The following PSG9 variants were observed in gnomAD, a reference collection of about 807,000 sequenced individuals.
The protein encoded by PSG9 is pregnancy specific beta-1-glycoprotein 9, also known as pregnancy-specific beta-1-glycoprotein 9.
A neutral mutation model predicts 41.9 loss-of-function variants in PSG9; 49 were observed. That is an observed-to-expected ratio of 1.17 (90% CI 0.93 to 1.48). The LOEUF (loss-of-function observed/expected upper bound fraction) is 1.48, where lower values mean the gene tolerates loss of function less well. PSG9 is among the 40% of genes most tolerant of loss of function. The pLI, the probability that PSG9 is intolerant of heterozygous loss-of-function variation, is 0.00. For missense variants in PSG9, 641 were observed against 520.3 expected (o/e 1.23, Z -2.26); for synonymous variants, 263 against 196.8 (o/e 1.34, Z -2.82).
chr19:43,255,539 A>G (rs1025908823), intron 5 of PSG9, among the ~76,000 whole-genome samples: 4 of 146,834 alleles, frequency 2.7e-5, no homozygotes, highest in Admixed American at 6.8e-5. Context: ...AAAAAAAGAC[A>G]TTCAAATTGG....
At chr19:43,262,850 C>G (rs980434893) in intron 2 of PSG9, among the ~76,000 whole-genome samples, 3 of 152,150 alleles carry the variant, frequency 2.0e-5, no homozygotes, top group Admixed American at 6.5e-5. Flanking sequence ...TGATAGCTTT[C>G]GACCAAGACC....
At chr19:43,259,516 C>A in intron 3 of PSG9, 1 of 254,448 alleles carries the variant, frequency 3.9e-6, no homozygotes, top group Admixed American at 5.0e-5. Context: ...TTCCATCCTA[C>A]TTTGCCCCCC....
rs756463688 is a variant in PSG9, at chr19:43,255,528, G to GA, written c.1244-1883dup. ...TAGTCAGAAAAATTAGGCAAGAATTGAAAAAAAGACATTCAAATTGGAAGG... is the reference window on the plus strand; with the variant it reads ...TAGTCAGAAAAATTAGGCAAGAATTGAAAAAAAAGACATTCAAATTGGAAGG... On this transcript the variant is annotated intron_variant, in intron 5 of 5. Coordinates refer to ENST00000270077, the MANE Select transcript of PSG9 (RefSeq NM_002784.5). 2.1e-5 allele frequency among the ~76,000 whole-genome samples: 3 copies of GA among 145,700 alleles called. 1 individual carries two copies. Among genetic ancestry groups the GA allele is most frequent in the Admixed American group, 6.8e-5 (1 of 14,678 alleles).
chr19:43,253,597 C>T lies in PSG9; in HGVS notation c.*12G>A. The T allele has an allele frequency of 1.3e-6, 1 of 792,134 alleles. No individual in the cohort carries two copies. Among genetic ancestry groups the T allele is most frequent in the Non-Finnish European group, 2.2e-6 (1 of 459,798 alleles). The allele number at this position is 792,134 out of a possible 1,614,324, so 49.1% of individuals were successfully genotyped here. On this transcript the variant is annotated 3_prime_UTR_variant, in exon 6 of 6. Transcript: ENST00000270077. ...CAGCCTGTTCTTTTTCTCAGTGTCT[C>T]AGTTGTTGCAGTCATGACTGAGACT...
At position 43,255,855 on chromosome 19, in the gene PSG9, T is replaced by A. The variant is rs951038815; in HGVS notation, c.1244-2209A>T. ...AAATATTGCTGAAAGAAATGAAAGATGACATCAATAAATTGAAAGACATTT... is the reference window on the plus strand; with the variant it reads ...AAATATTGCTGAAAGAAATGAAAGAAGACATCAATAAATTGAAAGACATTT... On this transcript the variant is annotated intron_variant, in intron 5 of 5. Transcript: ENST00000270077. 1.4e-4 allele frequency among the ~76,000 whole-genome samples: 20 copies of A among 146,662 alleles called. 1 individual carries two copies. Among genetic ancestry groups the A allele is most frequent in the Admixed American group, 8.8e-4 (13 of 14,736 alleles).
Position 43,267,797 on chromosome 19 carries a change from G to A in PSG9, c.417C>T (p.Thr139=), listed in dbSNP as rs1969042296. 1 of 1,612,962 alleles carries A rather than the reference G, an allele frequency of 6.2e-7. No individual in the cohort carries two copies. Among genetic ancestry groups the A allele is most frequent in the Non-Finnish European group, 8.5e-7 (1 of 1,179,392 alleles). The change falls in exon 2 of 6, where the codon ACC becomes ACT. Residue 139 remains threonine, a synonymous_variant. Coordinates refer to ENST00000270077, the MANE Select transcript of PSG9 (RefSeq NM_002784.5). ...GGAATCACTCACAGTATAAGGTGAA[G>A]GTGAAATGTCGAATTTCTTCTCTAG... The part of the protein sequence containing the change: ...DETREEIRHF[T]FTLYLETPKP...
intron 5 of PSG9, among the ~76,000 whole-genome samples, chr19:43,256,590 C>T (rs1275215536): frequency 2.0e-5 from 3 of 146,488 alleles, no homozygotes; most frequent in African/African-American, 7.8e-5. Flanking sequence ...ATGCAAAGTT[C>T]CTCAGCATCA....
chr19:43,268,390 C>A (rs1969086460), intron 1 of PSG9, among the ~76,000 whole-genome samples: 1 of 152,122 alleles, frequency 6.6e-6, no homozygotes, highest in African/African-American at 2.4e-5. Context: ...ACACTTCTGA[C>A]CTTGGCATTT....
In PSG9 at chr19:43,258,969, G is replaced by C; in HGVS notation, c.876C>G (p.Asn292Lys). 3.1e-6 allele frequency: 5 copies of C among 1,590,548 alleles called. No individual in the cohort carries two copies. The highest frequency in any genetic ancestry group is 4.3e-6 in the Non-Finnish European group (5 of 1,174,480). ...VSPGVKRPIENRILILPSVTR... is the reference protein window; with the variant it reads ...VSPGVKRPIEKRILILPSVTR... ...TGACACTGGGTAGAATGAGTATCCTGTTTTCAATGGGTCGCTTTACCCCGG... is the reference window on the plus strand; with the variant it reads ...TGACACTGGGTAGAATGAGTATCCTCTTTTCAATGGGTCGCTTTACCCCGG... Residue 292 changes from asparagine (N) to lysine (K), a missense_variant, in exon 4 of 6, where the codon AAC (asparagine) becomes AAG (lysine). Physicochemically the swap from Asn to Lys is moderately conservative, Grantham distance 94. Coordinates refer to ENST00000270077, the MANE Select transcript of PSG9 (RefSeq NM_002784.5).
Position 43,267,974 on chromosome 19 carries a change from T to A in PSG9, c.240A>T (p.Ile80=). Residue 80 remains isoleucine (I), a synonymous_variant, in exon 2 of 6, where the codon ATA becomes ATT. Transcript: ENST00000270077. ...TTATTTTACCATCAACTATATACGATATAATGTAATGGTAGAGGTCCGTCA... is the reference window on the plus strand; with the variant it reads ...TTATTTTACCATCAACTATATACGAAATAATGTAATGGTAGAGGTCCGTCA... ...GEMTDLYHYI[I]SYIVDGKIII... The A allele has an allele frequency of 6.2e-7, 1 of 1,613,666 alleles. No homozygotes were observed. Among genetic ancestry groups the A allele is most frequent in the Non-Finnish European group, 8.5e-7 (1 of 1,179,712 alleles).
chr19:43,264,818 C>A (rs953119184), intron 2 of PSG9, among the ~76,000 whole-genome samples: 2 of 152,280 alleles, frequency 1.3e-5, no homozygotes, highest in East Asian at 3.9e-4. Flanking sequence ...AGTGTTAGAA[C>A]TGAGTGACAA....
chr19:43,256,054 G>A (rs1235193263), intron 5 of PSG9, among the ~76,000 whole-genome samples: 1 of 146,708 alleles, frequency 6.8e-6, no homozygotes, highest in Non-Finnish European at 1.5e-5. Flanking sequence ...CAGCTTTGAA[G>A]AGGAAGAATG....
chr19:43,258,856 C>A lies in PSG9; in HGVS notation c.988+1G>T. On this transcript the variant is annotated splice_donor_variant, in intron 4 of 5. Transcript: ENST00000270077. LOFTEE classifies it high-confidence loss of function. ...CCCACAGAGGAACAAAAGATACTCA[C>A]AGAGGACATTTAGGATGACTGGGTT... is the stretch of plus-strand genomic sequence containing the variant. 1 of 1,586,442 alleles carries A rather than the reference C, an allele frequency of 6.3e-7. No individual in the cohort carries two copies. The highest frequency in any genetic ancestry group is 8.5e-7 in the Non-Finnish European group (1 of 1,172,114).
At chr19:43,264,659 C>A (rs577239958) in intron 2 of PSG9, among the ~76,000 whole-genome samples, 15 of 152,196 alleles carry the variant, frequency 9.9e-5, no homozygotes, top group African/African-American at 3.4e-4. Flanking sequence ...GGGTTTCACC[C>A]TGTTAGCCAG....
chr19:43,267,694 C>G, intron 2 of PSG9, 90 bp downstream of exon 2: 2 of 1,582,856 alleles, frequency 1.3e-6, no homozygotes, highest in Non-Finnish European at 1.7e-6. Flanking sequence ...GAGAGTGACA[C>G]AGGCAGAGTC....
chr19:43,261,142 G>T (rs913118704), intron 3 of PSG9, among the ~76,000 whole-genome samples: 4 of 152,090 alleles, frequency 2.6e-5, no homozygotes, highest in South Asian at 4.1e-4. Flanking sequence ...GCAGGTGGCT[G>T]TTCCCTGACA....
At chr19:43,266,734 G>A (rs2122124654) in intron 2 of PSG9, among the ~76,000 whole-genome samples, 1 of 152,192 alleles carries the variant, frequency 6.6e-6, no homozygotes, top group Non-Finnish European at 1.5e-5. Context: ...TGACTATGGG[G>A]TCCTTGGAAC....
At chr19:43,261,471 G>A (rs555560374) in intron 3 of PSG9, among the ~76,000 whole-genome samples, 28 of 152,122 alleles carry the variant, frequency 1.8e-4, no homozygotes, top group Non-Finnish European at 3.5e-4. Flanking sequence ...GTGGAGCAAA[G>A]AGAATAATGT....
intron 2 of PSG9, among the ~76,000 whole-genome samples, chr19:43,263,110 G>A (rs1968803606): frequency 6.6e-6 from 1 of 152,150 alleles, no homozygotes; most frequent in African/African-American, 2.4e-5. Context: ...TCTGATCTGA[G>A]TTTGACTACT....
Sources: allele counts gnomAD v4.1 joint callset (sites outside exome capture counted in the v4.1 genomes callset), GRCh38; gene constraint gnomAD v4.1.1; transcripts MANE v1.5; gene names NCBI Gene and HGNC (gene_info 2026-07-23, HGNC 2026-07-21).